GARNL3: variants seen among roughly 807,000 people sequenced by gnomAD.
GARNL3 encodes GTPase activating Rap/RanGAP domain like 3.
GARNL3 carries 63 observed loss-of-function variants against 125.0 expected under a neutral mutation model. The ratio of observed to expected loss-of-function variants is 0.50; its 90% confidence interval spans 0.41 to 0.62. The LOEUF is 0.62. GARNL3 is among the 20% of genes least tolerant of loss of function. The pLI is 0.00. For missense variants in GARNL3, 994 were observed against 1,244.0 expected, an observed-to-expected ratio of 0.80 and a Z score of 3.02; for synonymous variants, 439 against 457.5, an observed-to-expected ratio of 0.96 and a Z score of 0.52.
intron 2 of GARNL3, among the ~76,000 whole-genome samples, chr9:127,305,356 T>C (rs2131435216): frequency 6.6e-6 from 1 of 152,278 alleles, no homozygotes; most frequent in South Asian, 2.1e-4. Flanking sequence ...TTTTTGTTGT[T>C]GTTTTTTGTT....
chr9:127,332,953 C>G, intron 8 of GARNL3, 70 bp from the exon 9 acceptor site: 1 of 1,058,516 alleles, frequency 9.4e-7, no homozygotes, highest in Non-Finnish European at 1.5e-6. Context: ...TCCAGCGATT[C>G]CGGTCCATAG....
Position 127,243,121 on chromosome 9 carries a change from G to A in GARNL3, c.15G>A (p.Thr5=), listed in dbSNP as rs113212991. 1.4e-5 allele frequency: 19 copies of A among 1,364,700 alleles called. 1 individual carries two copies. Among genetic ancestry groups the A allele is most frequent in the African/African-American group, 3.0e-5 (2 of 67,712 alleles). The allele number at this position is 1,364,700 out of a possible 1,614,324, so 84.5% of individuals were successfully genotyped here. The change falls in exon 2 of 11, where the codon ACG becomes ACA. Residue 5 remains threonine, a synonymous_variant. Coordinates refer to the GARNL3 transcript ENST00000439286. The stretch of plus-strand genomic sequence containing the variant: ...CAGGCCCACTGATGGACCCGTTAAC[G>A]AAGGTGCCTTGTGGGAGTCAGATAG...
chr9:127,318,603 A>G (rs2131501998), intron 5 of GARNL3, among the ~76,000 whole-genome samples: 1 of 152,362 alleles, frequency 6.6e-6, no homozygotes, highest in East Asian at 1.9e-4. Context: ...TTCGCCAGAC[A>G]GAACGTTAAA....
At chr9:127,311,143 A>C (rs1293250870) in intron 2 of GARNL3, among the ~76,000 whole-genome samples, 1 of 152,182 alleles carries the variant, frequency 6.6e-6, no homozygotes, top group Non-Finnish European at 1.5e-5. Context: ...ATTTATTGAC[A>C]TGTAAAATAG....
At chr9:127,333,551 A>G (rs1036992748) in intron 9 of GARNL3, among the ~76,000 whole-genome samples, 13 of 152,164 alleles carry the variant, frequency 8.5e-5, no homozygotes, top group Admixed American at 3.3e-4. Flanking sequence ...ACAGAGTGCT[A>G]TGGGGCATTT....
intron 11 of GARNL3, among the ~76,000 whole-genome samples, chr9:127,337,353 G>T (rs1274264050): frequency 6.6e-6 from 1 of 152,156 alleles, no homozygotes; most frequent in Non-Finnish European, 1.5e-5. Context: ...GAATTTCCCT[G>T]AGTTATACGT....
intron 7 of GARNL3, among the ~76,000 whole-genome samples, chr9:127,329,459 A>G (rs12237593): frequency 0.088 from 13,407 of 152,174 alleles, 1,683 homozygotes; most frequent in African/African-American, 0.27. Context: ...TTGCTGCTTT[A>G]CAGACTTTGC....
At chr9:127,277,576 T>C (rs1383135170) in intron 1 of GARNL3, among the ~76,000 whole-genome samples, 1 of 151,868 alleles carries the variant, frequency 6.6e-6, no homozygotes, top group African/African-American at 2.4e-5. Context: ...CATCTCTTTT[T>C]TGCTTATGAA....
chr9:127,357,829 T>C (rs189051171), intron 21 of GARNL3, among the ~76,000 whole-genome samples: 195 of 151,930 alleles, frequency 1.3e-3, no homozygotes, highest in Admixed American at 2.1e-3. Flanking sequence ...CTATAATAAC[T>C]AAATAAATGA....
intron 2 of GARNL3, among the ~76,000 whole-genome samples, chr9:127,248,608 T>TTC (rs1564847298): frequency 7.5e-6 from 1 of 134,026 alleles, no homozygotes; most frequent in Non-Finnish European, 1.6e-5. Context: ...TTTTTTTTTT[T>TTC]TTTTTTTTTT....
At position 127,266,073 on chromosome 9, in the gene GARNL3, A is replaced by G. The variant is rs1436444846; in HGVS notation, c.144+1052A>G. Among the ~76,000 whole-genome samples, 1 of 152,248 alleles carries G rather than the reference A, an allele frequency of 6.6e-6. No individual in the cohort carries two copies. The highest frequency in any genetic ancestry group is 2.4e-5 in the African/African-American group (1 of 41,460). On this transcript the variant is annotated intron_variant, in intron 1 of 27. Coordinates refer to ENST00000373387, the MANE Select transcript of GARNL3 (RefSeq NM_032293.5). The surrounding 1 kb of genome is among the most constrained non-coding windows in gnomAD (Gnocchi z 4.0). ...AAGAATGAATTTAGCCACATAAAAG[A>G]TACCTCAGTTGATTCAGTCAACACC...
rs148277461 is a variant in GARNL3, at chr9:127,295,834, G to T, written c.219+4592G>T. 2.0e-5 allele frequency among the ~76,000 whole-genome samples: 3 copies of T among 152,256 alleles called. No homozygotes were observed. In the East Asian group the frequency reaches 5.8e-4, roughly 29 times the overall value. Reference sequence around the variant, plus strand: ...CAAGTTTTTCCACGGACCAGGCAGTGGGAGATGGTTTCAGGATGATTCAAG... The same window carrying T: ...CAAGTTTTTCCACGGACCAGGCAGTTGGAGATGGTTTCAGGATGATTCAAG... On this transcript the variant is annotated intron_variant, in intron 2 of 27. Coordinates refer to ENST00000373387, the MANE Select transcript of GARNL3 (RefSeq NM_032293.5).
At chr9:127,374,952 C>T (rs10987628) in intron 22 of GARNL3, among the ~76,000 whole-genome samples, 3,122 of 149,348 alleles carry the variant, frequency 0.021, 115 homozygotes, top group East Asian at 0.16. Flanking sequence ...TTTTAAAAAA[C>T]TATAATGAGA....
At chr9:127,282,133 G>A (rs1564877562) in intron 1 of GARNL3, among the ~76,000 whole-genome samples, 1 of 152,070 alleles carries the variant, frequency 6.6e-6, no homozygotes, top group Non-Finnish European at 1.5e-5. Context: ...ACTCCCTCTA[G>A]GATTTGCAGT....
At chr9:127,244,049 A>G (rs2063250808) in intron 2 of GARNL3, among the ~76,000 whole-genome samples, 1 of 152,204 alleles carries the variant, frequency 6.6e-6, no homozygotes, top group Admixed American at 6.5e-5. Context: ...GTTCCTAGAT[A>G]AGGACATGGA....
chr9:127,365,539 A>T (rs1460673457), intron 22 of GARNL3, among the ~76,000 whole-genome samples, 173 bp downstream of exon 22: 1 of 152,084 alleles, frequency 6.6e-6, no homozygotes. Flanking sequence ...CCCGCTGCGC[A>T]CCAGGCCTCT....
At chr9:127,333,209 G>C (rs1380966831) in intron 9 of GARNL3, 88 bp downstream of exon 9, 2 of 1,034,266 alleles carry the variant, frequency 1.9e-6, no homozygotes, top group Admixed American at 1.9e-5. Flanking sequence ...ACCAGAGAAG[G>C]GGGAAGGGAT....
At chr9:127,381,128 C>T (rs1050255110) in intron 22 of GARNL3, among the ~76,000 whole-genome samples, 5 of 109,932 alleles carry the variant, frequency 4.5e-5, no homozygotes, top group African/African-American at 1.2e-4. Context: ...CCGCCCACCT[C>T]GGCTTCCCAA....
At chr9:127,352,113 T>C (rs1830451203) in intron 17 of GARNL3, among the ~76,000 whole-genome samples, 1 of 152,228 alleles carries the variant, frequency 6.6e-6, no homozygotes, top group East Asian at 1.9e-4. Flanking sequence ...TGTGGTCGCA[T>C]CTCTATCCAC....
Sources: gnomAD v4.1 joint callset for allele counts (sites outside exome capture counted in the v4.1 genomes callset) on GRCh38, gnomAD v4.1.1 for gene constraint, Gnocchi (gnomAD v3.1) non-coding constraint, MANE v1.5 for transcripts, NCBI Gene and HGNC (gene_info 2026-07-23, HGNC 2026-07-21) for gene names.